Variants in MARCHF10 observed in about 807,000 individuals in gnomAD.
The protein encoded by MARCHF10 is probable E3 ubiquitin-protein ligase MARCHF10.
MARCHF10 carries 64 observed loss-of-function variants against 76.2 expected under a neutral mutation model. The observed-to-expected ratio is 0.84, with a 90% CI of 0.69 to 1.03. The LOEUF (loss-of-function observed/expected upper bound fraction) is 1.03. Among genes scored for constraint, MARCHF10 ranks in the 50% least tolerant of loss-of-function variants. The pLI is 0.00. For missense variants in MARCHF10, 875 were observed against 958.0 expected, an observed-to-expected ratio of 0.91 and a Z score of 1.14; for synonymous variants, 340 against 357.5, an observed-to-expected ratio of 0.95 and a Z score of 0.55.
chr17:62,788,710 G>A, intron 2 of MARCHF10, 111 bp from the exon 3 acceptor site: 1 of 1,399,262 alleles, frequency 7.1e-7, no homozygotes, highest in East Asian at 2.3e-5. Flanking sequence ...GCATCTCCAG[G>A]TGTTCATCAA....
intron 2 of MARCHF10, among the ~76,000 whole-genome samples, chr17:62,793,536 C>T (rs1416134537): frequency 6.9e-5 from 10 of 144,062 alleles, no homozygotes; most frequent in Non-Finnish European, 1.1e-4. Flanking sequence ...CCATCACCAC[C>T]ACCACCACCT....
intron 1 of MARCHF10, among the ~76,000 whole-genome samples, chr17:62,802,121 C>A (rs2093084476): frequency 6.6e-6 from 1 of 152,210 alleles, no homozygotes; most frequent in Non-Finnish European, 1.5e-5. Context: ...TACTTAAATT[C>A]ATTTATGCAA....
intron 1 of MARCHF10, among the ~76,000 whole-genome samples, chr17:62,804,280 G>A (rs763143304): frequency 6.6e-6 from 1 of 152,154 alleles, no homozygotes; most frequent in South Asian, 2.1e-4. Context: ...GCTGTCAGAC[G>A]CAGGGCTCTG....
intron 3 of MARCHF10, among the ~76,000 whole-genome samples, chr17:62,764,344 A>G (rs1289344075): frequency 2.6e-5 from 4 of 152,032 alleles, no homozygotes. Flanking sequence ...CTGAATTCTG[A>G]TTGATGTGTA....
chr17:62,760,969 C>T (rs1252331986), intron 3 of MARCHF10, among the ~76,000 whole-genome samples: 1 of 152,212 alleles, frequency 6.6e-6, no homozygotes, highest in Non-Finnish European at 1.5e-5. Context: ...TCCCTGGTAC[C>T]TCCCCAACTG....
intron 3 of MARCHF10, among the ~76,000 whole-genome samples, chr17:62,780,169 A>ATG (rs1381538865): frequency 6.6e-6 from 1 of 151,180 alleles, no homozygotes; most frequent in Non-Finnish European, 1.5e-5. Flanking sequence ...AGTGTGTAAC[A>ATG]TGTGGCTAGT....
chr17:62,719,458 C>G (rs1428412847), intron 8 of MARCHF10, among the ~76,000 whole-genome samples: 1 of 152,088 alleles, frequency 6.6e-6, no homozygotes, highest in East Asian at 1.9e-4. Flanking sequence ...TATTTTGTTT[C>G]TCTGTCTTCT....
At position 62,758,128 on chromosome 17, in the gene MARCHF10, C is replaced by T. The variant is rs140732242; in HGVS notation, c.382+1707G>A. Among the ~76,000 whole-genome samples, 424 of 152,298 alleles carry T rather than the reference C, an allele frequency of 2.8e-3. 1 individual carries two copies. The highest frequency in any genetic ancestry group is 6.8e-3 in the Middle Eastern group (2 of 294). On this transcript the variant is annotated intron_variant, in intron 4 of 10. Transcript: ENST00000311269. ...TTTAAACTTAAATTCAGGCCAGGTG[C>T]GGTGGCTCACGCCTGTAATCCTAGC...
rs373008106 is a variant in MARCHF10, at chr17:62,722,272, T to C, written c.2214+216A>G. Among the ~76,000 whole-genome samples, 652 of 123,790 alleles carry C rather than the reference T, an allele frequency of 5.3e-3. 8 individuals are homozygous for C. Among genetic ancestry groups the C allele is most frequent in the African/African-American group, 0.02 (618 of 30,510 alleles). 81.2% of individuals were successfully genotyped at this position (123,790 alleles called of 152,430 possible). A position where few individuals can be genotyped will look rare whatever the true frequency, so the allele number is the denominator to read the frequency against. Reference sequence around the variant, plus strand: ...CCGCCTGGGCGACAGAGTGAGACTCTGTCTCAAAAAAAAAAAAAAAAAAAA... The same window carrying C: ...CCGCCTGGGCGACAGAGTGAGACTCCGTCTCAAAAAAAAAAAAAAAAAAAA... On this transcript the variant is annotated intron_variant, in intron 8 of 10. Transcript: ENST00000311269.
chr17:62,792,730 CCAT>C (rs1416230672), intron 2 of MARCHF10, among the ~76,000 whole-genome samples: 4 of 148,560 alleles, frequency 2.7e-5, no homozygotes, highest in African/African-American at 7.4e-5. Context: ...ACCACCACCA[CCAT>C]CACCACCACC....
rs2091324120 is a variant in MARCHF10 at position 62,737,445 on chromosome 17, G to A, written c.536-113C>T. The A allele has an allele frequency of 4.1e-6, 4 of 967,784 alleles. No homozygotes were observed. The South Asian group carries it at 4.4e-5, about 11-fold the overall frequency. 59.9% of individuals were successfully genotyped at this position (967,784 alleles called of 1,614,324 possible). On this transcript the variant is annotated intron_variant, in intron 5 of 10. Transcript: ENST00000311269. ...AATGCAACAGACAAGACCTAGAGAA[G>A]AAAACAGACACGGTCAAAATGGCTG... is the stretch of plus-strand genomic sequence containing the variant.
intron 1 of MARCHF10, among the ~76,000 whole-genome samples, chr17:62,807,160 C>T (rs150148762): frequency 1.3e-3 from 201 of 152,252 alleles, no homozygotes; most frequent in Non-Finnish European, 2.4e-3. Flanking sequence ...TAATGTCAGA[C>T]ATTATAGGAT....
At chr17:62,721,014 T>C (rs1364587916) in intron 8 of MARCHF10, among the ~76,000 whole-genome samples, 1 of 152,000 alleles carries the variant, frequency 6.6e-6, no homozygotes, top group Non-Finnish European at 1.5e-5. Context: ...ATTACAGGCA[T>C]GCGCCACCAC....
intron 5 of MARCHF10, among the ~76,000 whole-genome samples, chr17:62,739,925 C>G (rs1041406555): frequency 2.6e-5 from 4 of 152,148 alleles, no homozygotes; most frequent in Admixed American, 6.6e-5. Flanking sequence ...GCCTGGGGGA[C>G]AGAAGAAGTC....
intron 8 of MARCHF10, chr17:62,714,428 A>C (rs2090087004): frequency 1.0e-6 from 1 of 985,172 alleles, no homozygotes; most frequent in Admixed American, 6.1e-5. Context: ...CAACACCAAC[A>C]CATCCTACAA....
intron 4 of MARCHF10, 38 bp downstream of exon 4, chr17:62,759,797 T>C (rs2092146736): frequency 6.3e-7 from 1 of 1,599,090 alleles, no homozygotes; most frequent in South Asian, 1.1e-5. Context: ...AATACCGGGA[T>C]TTTAGATCTG....
chr17:62,715,011 T>G (rs897483813), intron 8 of MARCHF10, among the ~76,000 whole-genome samples: 2 of 152,158 alleles, frequency 1.3e-5, no homozygotes, highest in Non-Finnish European at 2.9e-5. Context: ...CCTTTCAAAG[T>G]GTTGCGATTA....
intron 4 of MARCHF10, among the ~76,000 whole-genome samples, chr17:62,753,758 T>C (rs374012856): frequency 2.6e-5 from 4 of 152,316 alleles, no homozygotes; most frequent in African/African-American, 9.6e-5. Context: ...TCTTAGAACT[T>C]ACCTTGGTCA....
At position 62,788,138 on chromosome 17, in the gene MARCHF10, A is replaced by C. The variant is rs537748295; in HGVS notation, c.210+342T>G. On this transcript the variant is annotated intron_variant, in intron 3 of 10. Transcript: ENST00000311269. ...CACAGAGATGATGCTGTGCTTAAGAAGGCCCAGTGCCTCCAACTCTTATAG... is the reference window on the plus strand; with the variant it reads ...CACAGAGATGATGCTGTGCTTAAGACGGCCCAGTGCCTCCAACTCTTATAG... Among the ~76,000 whole-genome samples the C allele has an allele frequency of 1.1e-4, 17 of 152,300 alleles. No homozygotes were observed. The East Asian group carries it at 3.1e-3, about 28-fold the overall frequency.
Sources: gnomAD v4.1 joint callset for allele counts (sites outside exome capture counted in the v4.1 genomes callset) on GRCh38, gnomAD v4.1.1 for gene constraint, MANE v1.5 for transcripts, NCBI Gene and HGNC (gene_info 2026-07-23, HGNC 2026-07-21) for gene names.